RAD18: variants seen among roughly 807,000 people sequenced by gnomAD.
RAD18 encodes RAD18 E3 ubiquitin protein ligase.
Under a neutral mutation model 60.4 loss-of-function variants are expected in RAD18, and 47 were observed. The ratio of observed to expected loss-of-function variants is 0.78; its 90% CI spans 0.62 to 0.99. RAD18 has a LOEUF of 0.99. Ranked by LOEUF, RAD18 falls within the 50% of genes least tolerant of loss-of-function variation. RAD18 has a pLI of 0.00. For missense variants in RAD18, 640 were observed against 593.3 expected (o/e 1.08, Z -0.82); for synonymous variants, 225 against 195.5 (o/e 1.15, Z -1.26).
In RAD18 at chr3:8,941,811, G is replaced by A. The variant is rs1257330351; in HGVS notation, c.267-7C>T. ...AAACTGCAGCAGATGATTCCTTGAA[G>A]CACAAAGAACACAACAGACAATTAA... On this transcript the variant is annotated splice_polypyrimidine_tract_variant and splice_region_variant and intron_variant, in intron 4 of 12. Transcript: ENST00000264926. 6.2e-7 allele frequency: 1 copy of A among 1,600,286 alleles called. No homozygotes were observed. Among genetic ancestry groups the A allele is most frequent in the South Asian group, 1.1e-5 (1 of 90,210 alleles).
At chr3:8,916,877 C>T (rs956924079) in intron 7 of RAD18, among the ~76,000 whole-genome samples, 3 of 151,920 alleles carry the variant, frequency 2.0e-5, no homozygotes, top group African/African-American at 4.8e-5. Flanking sequence ...GAAATATACA[C>T]ATAATAGAAA....
chr3:8,916,195 G>T (rs986462910), intron 7 of RAD18, among the ~76,000 whole-genome samples: 2 of 152,268 alleles, frequency 1.3e-5, no homozygotes, highest in Non-Finnish European at 2.9e-5. Flanking sequence ...ACCATTCTGG[G>T]CCCTGACCCA....
chr3:8,883,440 A>C (rs1031714974), intron 12 of RAD18, among the ~76,000 whole-genome samples: 2 of 152,202 alleles, frequency 1.3e-5, no homozygotes, highest in African/African-American at 4.8e-5. Flanking sequence ...TGGCAACTAA[A>C]AGTGTCTGCT....
At chr3:8,931,313 AAC>A (rs1330862033) in intron 7 of RAD18, among the ~76,000 whole-genome samples, 1 of 152,234 alleles carries the variant, frequency 6.6e-6, no homozygotes, top group Admixed American at 6.5e-5. Flanking sequence ...AAATACATGG[AAC>A]ACACACACAT....
chr3:8,928,971 A>G (rs1173312321), intron 7 of RAD18, among the ~76,000 whole-genome samples: 1 of 152,232 alleles, frequency 6.6e-6, no homozygotes, highest in Non-Finnish European at 1.5e-5. Context: ...CAAAATCTTT[A>G]AAAATTAAAC....
intron 7 of RAD18, among the ~76,000 whole-genome samples, chr3:8,915,703 C>T (rs1051276208): frequency 1.3e-5 from 2 of 151,938 alleles, no homozygotes; most frequent in African/African-American, 2.4e-5. Context: ...CCTGCCTCAG[C>T]CTCCCGAGTA....
intron 7 of RAD18, among the ~76,000 whole-genome samples, chr3:8,919,293 G>A (rs755848216): frequency 1.3e-5 from 2 of 151,948 alleles, no homozygotes; most frequent in Non-Finnish European, 2.9e-5. Context: ...AACCTAGAAT[G>A]TCATTAGAAT....
intron 9 of RAD18, among the ~76,000 whole-genome samples, chr3:8,907,020 C>T (rs561032100): frequency 1.3e-3 from 199 of 152,282 alleles, no homozygotes; most frequent in African/African-American, 4.7e-3. Context: ...CAAATGAATA[C>T]TCAAGGTGAA....
chr3:8,890,109 C>T (rs1939659067), intron 12 of RAD18: 1 of 409,764 alleles, frequency 2.4e-6, no homozygotes, highest in African/African-American at 2.0e-5. Context: ...AGGACGTATC[C>T]CCATTGTTAA....
chr3:8,946,992 T>C, intron 4 of RAD18: 2 of 407,244 alleles, frequency 4.9e-6, no homozygotes, highest in Non-Finnish European at 8.7e-6. Context: ...TCCTCAAATC[T>C]GCGTTTTAAC....
intron 12 of RAD18, among the ~76,000 whole-genome samples, chr3:8,889,673 A>C (rs1939648362): frequency 6.6e-6 from 1 of 152,176 alleles, no homozygotes. Flanking sequence ...TAAGACATCT[A>C]TATGATGAAG....
intron 11 of RAD18, among the ~76,000 whole-genome samples, chr3:8,893,138 A>G (rs867985535): frequency 6.6e-6 from 1 of 152,182 alleles, no homozygotes; most frequent in South Asian, 2.1e-4. Context: ...CCTGATTACT[A>G]TGTGCTCTAT....
rs9877787 is a variant in RAD18 at position 8,952,387 on chromosome 3, T to C, written c.134-3817A>G. ...ATAAGAAGTCTCCTGAGCAATACTGTAAGTCAAGAAATCCTAAAACCTAGC... is the reference window on the plus strand; with the variant it reads ...ATAAGAAGTCTCCTGAGCAATACTGCAAGTCAAGAAATCCTAAAACCTAGC... On this transcript the variant is annotated intron_variant, in intron 2 of 12. Coordinates refer to ENST00000264926, the MANE Select transcript of RAD18 (RefSeq NM_020165.4). 2.7e-3 allele frequency among the ~76,000 whole-genome samples: 408 copies of C among 152,308 alleles called. 2 individuals carry two copies. The highest frequency in any genetic ancestry group is 9.1e-3 in the African/African-American group (379 of 41,558).
chr3:8,889,224 G>C (rs533936441), intron 12 of RAD18, among the ~76,000 whole-genome samples: 1 of 152,334 alleles, frequency 6.6e-6, no homozygotes, highest in East Asian at 1.9e-4. Context: ...TTTAATGGTT[G>C]AGGGTGCTGA....
At chr3:8,909,714 G>C (rs1444734670) in intron 9 of RAD18, among the ~76,000 whole-genome samples, 2 of 152,130 alleles carry the variant, frequency 1.3e-5, no homozygotes, top group Admixed American at 1.3e-4. Context: ...TGTATGGAAT[G>C]TTATATATCT....
chr3:8,952,312 T>C (rs973806188), intron 2 of RAD18, among the ~76,000 whole-genome samples: 2 of 152,116 alleles, frequency 1.3e-5, no homozygotes, highest in African/African-American at 4.8e-5. Flanking sequence ...GAGGCAAAAA[T>C]TCCTGTCCAG....
chr3:8,927,869 T>G (rs1940470363), intron 7 of RAD18, among the ~76,000 whole-genome samples: 1 of 150,240 alleles, frequency 6.7e-6, no homozygotes, highest in African/African-American at 2.5e-5. Flanking sequence ...ATGACAACAC[T>G]TGGACACAGG....
rs1301197687 is a variant in RAD18 at position 8,963,404 on chromosome 3, T to TG, written c.-20dup. On this transcript the variant is annotated 5_prime_UTR_variant, in exon 1 of 13. Transcript: ENST00000264926. Reference sequence around the variant, plus strand: ...AGTCCATGGTCGCTCCCGAGGATGCTGGGGGTCAGCCACCCACTAGCCTCC... The same window carrying TG: ...AGTCCATGGTCGCTCCCGAGGATGCTGGGGGGTCAGCCACCCACTAGCCTCC... 3 of 1,573,716 alleles carry TG rather than the reference T, an allele frequency of 1.9e-6. No individual in the cohort carries two copies.
chr3:8,911,869 A>G (rs1207501308), intron 9 of RAD18, among the ~76,000 whole-genome samples: 1 of 152,246 alleles, frequency 6.6e-6, no homozygotes, highest in Non-Finnish European at 1.5e-5. Context: ...CCATTTAAGG[A>G]AAAGGAAGTG....
Sources: allele counts gnomAD v4.1 joint callset (sites outside exome capture counted in the v4.1 genomes callset), GRCh38; gene constraint gnomAD v4.1.1; transcripts MANE v1.5; gene names NCBI Gene and HGNC (gene_info 2026-07-23, HGNC 2026-07-21).